ADAMTS14: variants seen among roughly 807,000 people sequenced by gnomAD.
ADAMTS14 encodes the protein A disintegrin and metalloproteinase with thrombospondin motifs 14.
ADAMTS14 carries 100 observed loss-of-function variants against 128.6 expected under a neutral mutation model. The observed-to-expected ratio is 0.78, with a 90% CI of 0.66 to 0.92. The LOEUF (loss-of-function observed/expected upper bound fraction) is 0.92, where lower values mean the gene tolerates loss of function less well. ADAMTS14 is among the 40% of genes least tolerant of loss of function. The pLI, the probability that ADAMTS14 is intolerant of heterozygous loss-of-function variation, is 0.00. For missense variants in ADAMTS14, 1,562 were observed against 1,658.6 expected, an observed-to-expected ratio of 0.94 and a Z score of 1.01; for synonymous variants, 665 against 653.8, an observed-to-expected ratio of 1.02 and a Z score of -0.26.
At chr10:70,707,500 G>T (rs961963008) in intron 3 of ADAMTS14, among the ~76,000 whole-genome samples, 2 of 152,112 alleles carry the variant, frequency 1.3e-5, no homozygotes, top group Non-Finnish European at 2.9e-5. Flanking sequence ...AGCTTTCCCC[G>T]TGAGTCTCCA....
chr10:70,740,631 C>T (rs1841966552), intron 11 of ADAMTS14, among the ~76,000 whole-genome samples: 1 of 152,150 alleles, frequency 6.6e-6, no homozygotes, highest in Non-Finnish European at 1.5e-5. Context: ...ATGCCAGGGC[C>T]TGCAAAACAG....
intron 3 of ADAMTS14, among the ~76,000 whole-genome samples, chr10:70,704,006 G>A (rs11595288): frequency 0.26 from 39,840 of 152,160 alleles, 6,898 homozygotes; most frequent in East Asian, 0.65. Flanking sequence ...TTCTAGGCGT[G>A]CCTGTCTCCA....
rs1169873907 is a variant in ADAMTS14 at position 70,760,736 on chromosome 10, G to A, written c.3555G>A (p.Gly1185=). Residue 1185 remains glycine (G), a synonymous_variant, in exon 22 of 22, where the codon GGG becomes GGA. Coordinates refer to ENST00000373207, the MANE Select transcript of ADAMTS14 (RefSeq NM_080722.4). ...ASWSISPTTP[G]GLPWGWTQTP... is the part of the protein sequence containing the mutation. ...GGAGCATCTCCCCTACCACCCCCGG[G>A]GGGCTGCCTTGGGGCTGGACTCAGA... 6.2e-7 allele frequency: 1 copy of A among 1,614,004 alleles called. No homozygotes were observed.
chr10:70,753,169 C>T (rs567986572), intron 18 of ADAMTS14, among the ~76,000 whole-genome samples: 2 of 152,178 alleles, frequency 1.3e-5, no homozygotes, highest in African/African-American at 2.4e-5. Context: ...GAGTAGGAGT[C>T]GAGGCTCTCC....
chr10:70,741,249 A>G (rs1010690651), intron 12 of ADAMTS14, 87 bp downstream of exon 12: 16 of 1,460,058 alleles, frequency 1.1e-5, no homozygotes, highest in Admixed American at 3.9e-5. Flanking sequence ...CTACCCCTAC[A>G]TACACCAGTG....
At chr10:70,752,311 C>A in intron 18 of ADAMTS14, 84 bp downstream of exon 18, 1 of 1,554,740 alleles carries the variant, frequency 6.4e-7, no homozygotes, top group East Asian at 2.3e-5. Context: ...GCCTGCTCCC[C>A]TCAGCACTGG....
intron 2 of ADAMTS14, among the ~76,000 whole-genome samples, chr10:70,700,470 C>G (rs1018860192): frequency 6.6e-6 from 1 of 152,152 alleles, no homozygotes; most frequent in African/African-American, 2.4e-5. Flanking sequence ...CTCCTTGTCT[C>G]TGGTGGCAGA....
chr10:70,679,407 C>G (rs968437676), intron 2 of ADAMTS14, among the ~76,000 whole-genome samples: 1 of 152,172 alleles, frequency 6.6e-6, no homozygotes, highest in East Asian at 1.9e-4. Context: ...AGTGACCTGA[C>G]GGGCCACTCT....
At chr10:70,704,139 G>A (rs891026747) in intron 3 of ADAMTS14, among the ~76,000 whole-genome samples, 3 of 152,166 alleles carry the variant, frequency 2.0e-5, no homozygotes, top group African/African-American at 7.2e-5. Context: ...CCGGCTAAAG[G>A]CTTTTGGGGA....
At chr10:70,680,265 G>T (rs1347100514) in intron 2 of ADAMTS14, among the ~76,000 whole-genome samples, 1 of 151,890 alleles carries the variant, frequency 6.6e-6, no homozygotes, top group East Asian at 1.9e-4. Context: ...GCCGGTCATG[G>T]TGGGGATGCC....
chr10:70,712,469 T>C (rs1840892537), intron 4 of ADAMTS14, among the ~76,000 whole-genome samples: 1 of 152,176 alleles, frequency 6.6e-6, no homozygotes, highest in Non-Finnish European at 1.5e-5. Flanking sequence ...AAGATTTGAC[T>C]CCACATTAAT....
intron 11 of ADAMTS14, among the ~76,000 whole-genome samples, chr10:70,739,199 G>A (rs925667946): frequency 3.9e-5 from 6 of 152,126 alleles, no homozygotes; most frequent in African/African-American, 1.2e-4. Flanking sequence ...CCTTCTGTGC[G>A]TTTGTCTGAA....
rs183687961 is a variant in ADAMTS14, at chr10:70,720,961, G to A, written c.871-8333G>A. On this transcript the variant is annotated intron_variant, in intron 4 of 21. Transcript: ENST00000373207. Reference sequence around the variant, plus strand: ...GAAAAAGTGTTACCAATGAAACTCTGTTCATCACTTAGCATTTTTACTGTA... The same window carrying A: ...GAAAAAGTGTTACCAATGAAACTCTATTCATCACTTAGCATTTTTACTGTA... 4.0e-5 allele frequency among the ~76,000 whole-genome samples: 6 copies of A among 148,710 alleles called. No homozygotes were observed. The East Asian group carries it at 1.2e-3, about 30-fold the overall frequency.
At chr10:70,688,856 G>GA (rs1840085085) in intron 2 of ADAMTS14, among the ~76,000 whole-genome samples, 1 of 1,050 alleles carries the variant, frequency 9.5e-4, no homozygotes, top group African/African-American at 4.2e-3. Flanking sequence ...AGGGGGAGGG[G>GA]GAGGGGGAGG....
intron 4 of ADAMTS14, among the ~76,000 whole-genome samples, chr10:70,717,354 G>T (rs900827434): frequency 6.6e-6 from 1 of 152,184 alleles, no homozygotes; most frequent in African/African-American, 2.4e-5. Flanking sequence ...TTTGGAGAGG[G>T]GAGGGCATGT....
At chr10:70,759,951 A>G (rs1390111835) in intron 21 of ADAMTS14, among the ~76,000 whole-genome samples, 2 of 152,198 alleles carry the variant, frequency 1.3e-5, no homozygotes, top group African/African-American at 4.8e-5. Flanking sequence ...GCTGAGGGCG[A>G]ATGGCGAAGG....
chr10:70,734,116 A>G, intron 8 of ADAMTS14, 88 bp downstream of exon 8: 1 of 1,534,186 alleles, frequency 6.5e-7, no homozygotes, highest in Non-Finnish European at 8.8e-7. Flanking sequence ...TGGCTTCCCC[A>G]CGTTGCCCCT....
At chr10:70,728,067 G>T (rs1196263455) in intron 4 of ADAMTS14, among the ~76,000 whole-genome samples, 2 of 148,472 alleles carry the variant, frequency 1.3e-5, no homozygotes, top group Non-Finnish European at 3.0e-5. Context: ...CTGCGCTCCA[G>T]CCTGGGCAAT....
intron 15 of ADAMTS14, 135 bp downstream of exon 15, chr10:70,745,441 C>T (rs981343282): frequency 3.2e-6 from 3 of 926,840 alleles, no homozygotes; most frequent in Admixed American, 4.1e-5. Flanking sequence ...CAGAGACCCC[C>T]TTTTCATTTT....
Sources: gnomAD v4.1 joint callset for allele counts (sites outside exome capture counted in the v4.1 genomes callset) on GRCh38, gnomAD v4.1.1 for gene constraint, MANE v1.5 for transcripts, NCBI Gene and HGNC (gene_info 2026-07-23, HGNC 2026-07-21) for gene names.